DCDC1: variants seen among roughly 807,000 people sequenced by gnomAD.
The protein encoded by DCDC1 is doublecortin domain containing 1, also known as doublecortin domain-containing protein 1.
A neutral mutation model predicts 178.3 loss-of-function variants in DCDC1; 200 were observed. The observed-to-expected ratio is 1.12, with a 90% confidence interval of 1.00 to 1.26. DCDC1 has a LOEUF of 1.26. Among genes scored for constraint, DCDC1 ranks in the 50% most tolerant of loss-of-function variants. DCDC1 has a pLI of 0.00. For synonymous variants in DCDC1, 690 were observed against 604.8 expected (o/e 1.14, Z -2.07); for missense variants, 1,983 against 1,749.2 (o/e 1.13, Z -2.38).
At chr11:31,123,495 C>G (rs1433325700) in intron 11 of DCDC1, among the ~76,000 whole-genome samples, 1 of 151,622 alleles carries the variant, frequency 6.6e-6, no homozygotes, top group African/African-American at 2.4e-5. Flanking sequence ...TTAGTCTTAG[C>G]ACAGGAAACC....
At chr11:31,356,460 A>C (rs1367211775) in intron 1 of DCDC1, among the ~76,000 whole-genome samples, 1 of 152,152 alleles carries the variant, frequency 6.6e-6, no homozygotes, top group Non-Finnish European at 1.5e-5. Flanking sequence ...AATTTATAGC[A>C]CTAAATGCCC....
intron 21 of DCDC1, among the ~76,000 whole-genome samples, chr11:30,945,738 ATCTATCTATCTGTCTGTCTG>A (rs1288168201): frequency 1.4e-5 from 2 of 142,036 alleles, no homozygotes; most frequent in African/African-American, 5.5e-5. Flanking sequence ...CTATCTATCT[ATCTATCTATCTGTCTGTCTG>A]TCTATCTATC....
At chr11:30,909,288 T>C (rs1945282797) in intron 28 of DCDC1, among the ~76,000 whole-genome samples, 172 bp from the exon 29 acceptor site, 1 of 152,180 alleles carries the variant, frequency 6.6e-6, no homozygotes, top group South Asian at 2.1e-4. Flanking sequence ...TTTATATGTT[T>C]ATAAATACAC....
At chr11:31,104,105 T>C (rs1958691213) in intron 13 of DCDC1, among the ~76,000 whole-genome samples, 1 of 152,192 alleles carries the variant, frequency 6.6e-6, no homozygotes, top group African/African-American at 2.4e-5. Flanking sequence ...CCAATACATC[T>C]ATAGTAATCT....
At chr11:30,988,678 A>AT (rs1950798059) in intron 20 of DCDC1, among the ~76,000 whole-genome samples, 1 of 152,214 alleles carries the variant, frequency 6.6e-6, no homozygotes. Context: ...TGAGCCACAC[A>AT]TAAAATACAC....
intron 9 of DCDC1, among the ~76,000 whole-genome samples, chr11:31,154,020 T>C (rs566661083): frequency 1.3e-5 from 2 of 152,234 alleles, no homozygotes; most frequent in African/African-American, 2.4e-5. Context: ...GATTAGATCA[T>C]GGGGGCAGAT....
intron 38 of DCDC1, among the ~76,000 whole-genome samples, chr11:30,873,480 G>T (rs1941828043): frequency 6.6e-6 from 1 of 152,026 alleles, no homozygotes; most frequent in African/African-American, 2.4e-5. Context: ...TCCAAGGAGA[G>T]TGTCTGTCTC....
chr11:31,204,152 T>C (rs1180694557), intron 9 of DCDC1, among the ~76,000 whole-genome samples: 6 of 152,190 alleles, frequency 3.9e-5, no homozygotes, highest in African/African-American at 1.4e-4. Flanking sequence ...ATTGGCTCTA[T>C]GAGTACTGTG....
rs906075347 is a variant in DCDC1, at chr11:31,262,946, CA to C, written c.1054+2560del. ...GCTGGCATAAGCTTTTATAAGGATG[CA>C]AAAACAGAGGGCAAGGCATGCATTA... On this transcript the variant is annotated intron_variant, in intron 8 of 38. Transcript: ENST00000684477. The C allele has an allele frequency of 6.5e-5, 82 of 1,265,770 alleles. No homozygotes were observed. In the African/African-American group the frequency reaches 1.0e-3, roughly 16 times the overall value. 78.4% of individuals were successfully genotyped at this position (1,265,770 alleles called of 1,614,324 possible).
intron 1 of DCDC1, among the ~76,000 whole-genome samples, chr11:31,362,466 TA>T (rs768056979): frequency 2.6e-5 from 4 of 152,130 alleles, no homozygotes; most frequent in Admixed American, 6.5e-5. Context: ...CATATGAAAA[TA>T]TACAATTAAT....
intron 17 of DCDC1, among the ~76,000 whole-genome samples, chr11:31,089,782 C>A (rs926966787): frequency 1.3e-5 from 2 of 151,970 alleles, no homozygotes; most frequent in Admixed American, 6.6e-5. Flanking sequence ...AATTTGAGTT[C>A]TTTTATATCT....
intron 18 of DCDC1, 29 bp downstream of exon 18, chr11:31,077,836 A>G (rs1442653374): frequency 2.6e-6 from 2 of 764,278 alleles, no homozygotes; most frequent in Non-Finnish European, 4.8e-6. Context: ...AAACTTAGGC[A>G]TAAAAGCTGT....
chr11:30,910,393 T>G (rs1053640521), intron 28 of DCDC1, among the ~76,000 whole-genome samples: 3 of 152,196 alleles, frequency 2.0e-5, no homozygotes, highest in African/African-American at 7.2e-5. Context: ...ATGTACTCTA[T>G]CTCCTAGAAT....
At chr11:31,065,859 G>A (rs1348648439) in intron 18 of DCDC1, among the ~76,000 whole-genome samples, 1 of 152,152 alleles carries the variant, frequency 6.6e-6, no homozygotes, top group African/African-American at 2.4e-5. Context: ...TAACTGGGGA[G>A]CACAGCTACT....
At chr11:31,094,268 C>T (rs941936374) in intron 15 of DCDC1, 84 bp from the exon 16 acceptor site, 2 of 708,046 alleles carry the variant, frequency 2.8e-6, no homozygotes, top group Admixed American at 3.9e-5. Context: ...ATAAGTTATC[C>T]TAGAACATTA....
In DCDC1 at chr11:31,201,301, CATTATT is replaced by C. The variant is rs559712295; in HGVS notation, c.1221+40143_1221+40148del. 5.3e-5 allele frequency among the ~76,000 whole-genome samples: 8 copies of C among 151,690 alleles called. No individual in the cohort carries two copies. In the South Asian group the frequency reaches 1.7e-3, roughly 31 times the overall value. Reference sequence around the variant, plus strand: ...TTTAATATCATTAAATTAAAATTAACATTATTATTAATAAATATGTATCACCTATAT... The same window carrying C: ...TTTAATATCATTAAATTAAAATTAACATTAATAAATATGTATCACCTATAT... On this transcript the variant is annotated intron_variant, in intron 9 of 38. Coordinates refer to ENST00000684477, the MANE Select transcript of DCDC1 (RefSeq NM_001387274.1).
At chr11:31,191,451 G>C (rs565491419) in intron 9 of DCDC1, among the ~76,000 whole-genome samples, 7 of 152,160 alleles carry the variant, frequency 4.6e-5, no homozygotes, top group African/African-American at 1.7e-4. Context: ...TATTATCAAG[G>C]AAGACAGAAG....
chr11:31,081,639 A>G (rs1296468254), intron 17 of DCDC1, among the ~76,000 whole-genome samples: 2 of 152,136 alleles, frequency 1.3e-5, no homozygotes, highest in African/African-American at 4.8e-5. Context: ...AAGAAAAGAA[A>G]TAATTCTGAA....
intron 20 of DCDC1, among the ~76,000 whole-genome samples, chr11:31,011,879 G>A (rs1055215684): frequency 2.0e-5 from 3 of 152,100 alleles, no homozygotes; most frequent in Non-Finnish European, 2.9e-5. Flanking sequence ...TATCTGATAC[G>A]GTTTGGATTT....
Sources: gnomAD v4.1 joint callset for allele counts (sites outside exome capture counted in the v4.1 genomes callset) on GRCh38, gnomAD v4.1.1 for gene constraint, MANE v1.5 for transcripts, NCBI Gene and HGNC (gene_info 2026-07-23, HGNC 2026-07-21) for gene names.